The following DCC variants were observed in gnomAD, a reference collection of about 807,000 sequenced individuals.
DCC encodes the protein DCC netrin 1 receptor.
Under a neutral mutation model 172.5 loss-of-function variants are expected in DCC, and 58 were observed. The ratio of observed to expected loss-of-function variants is 0.34; its 90% CI spans 0.27 to 0.42. DCC has a LOEUF of 0.42. Among genes scored for constraint, DCC ranks in the 10% least tolerant of loss-of-function variants. DCC has a pLI of 1.00. For synonymous variants in DCC, 709 were observed against 644.5 expected (o/e 1.10, Z -1.52); for missense variants, 1,740 against 1,791.0 (o/e 0.97, Z 0.51).
intron 12 of DCC, among the ~76,000 whole-genome samples, chr18:53,283,972 G>A (rs2056904891): frequency 6.6e-6 from 1 of 152,084 alleles, no homozygotes; most frequent in Admixed American, 6.6e-5. Context: ...AAGTACATAG[G>A]CTATGAATAC....
chr18:52,803,969 G>C (rs895547226), intron 2 of DCC, among the ~76,000 whole-genome samples: 2 of 152,244 alleles, frequency 1.3e-5, no homozygotes, highest in African/African-American at 4.8e-5. Flanking sequence ...GCCAGTCCTT[G>C]GGCACCAGCA....
At chr18:52,922,121 A>G (rs1196468925) in intron 3 of DCC, among the ~76,000 whole-genome samples, 1 of 152,186 alleles carries the variant, frequency 6.6e-6, no homozygotes, top group South Asian at 2.1e-4. Context: ...ACATTTTTCT[A>G]CAGTATTGAT....
chr18:52,587,109 A>G (rs1004646096), intron 1 of DCC, among the ~76,000 whole-genome samples: 1 of 152,204 alleles, frequency 6.6e-6, no homozygotes, highest in African/African-American at 2.4e-5. Context: ...TGCCCTTTCC[A>G]TGATGAAAGA....
intron 5 of DCC, among the ~76,000 whole-genome samples, chr18:53,001,144 T>G (rs1205478079): frequency 6.6e-6 from 1 of 152,096 alleles, no homozygotes; most frequent in East Asian, 1.9e-4. Context: ...TACCACTGAT[T>G]CAGACTTGAC....
chr18:52,821,573 A>G (rs1211610598), intron 2 of DCC, among the ~76,000 whole-genome samples: 1 of 152,178 alleles, frequency 6.6e-6, no homozygotes, highest in Admixed American at 6.5e-5. Context: ...GCTTTTCTCT[A>G]ATCCCTCCAT....
chr18:52,980,600 TAAAA>T (rs1260900854), intron 5 of DCC, among the ~76,000 whole-genome samples: 1 of 151,954 alleles, frequency 6.6e-6, no homozygotes, highest in Non-Finnish European at 1.5e-5. Context: ...ATAATTCTAA[TAAAA>T]TAATGCAATT....
chr18:52,429,866 A>G (rs879871511), intron 1 of DCC, among the ~76,000 whole-genome samples: 12 of 152,152 alleles, frequency 7.9e-5, no homozygotes, highest in Non-Finnish European at 1.5e-4. Flanking sequence ...GGAAAAGCAG[A>G]TTTTGCTCTA....
At chr18:53,471,171 T>TTTGTTTGTGGTACATAGTAGGTATATA (rs1466627284) in intron 25 of DCC, among the ~76,000 whole-genome samples, 1 of 152,172 alleles carries the variant, frequency 6.6e-6, no homozygotes, top group Non-Finnish European at 1.5e-5. Flanking sequence ...TATTCGTATT[T>TTTGTTTGTGGTACATAGTAGGTATATA]TTTGTGGGTA....
intron 7 of DCC, among the ~76,000 whole-genome samples, chr18:53,103,181 C>A (rs1205137984): frequency 6.6e-6 from 1 of 151,946 alleles, no homozygotes; most frequent in African/African-American, 2.4e-5. Context: ...AATCATAGAA[C>A]CTGACATAAT....
chr18:53,129,359 C>G (rs960064030), intron 7 of DCC, among the ~76,000 whole-genome samples: 1 of 152,062 alleles, frequency 6.6e-6, no homozygotes, highest in Admixed American at 6.6e-5. Context: ...GCACACATCT[C>G]AAGTGTTGAG....
chr18:52,685,518 C>T (rs1456651068), intron 1 of DCC, among the ~76,000 whole-genome samples: 1 of 152,046 alleles, frequency 6.6e-6, no homozygotes, highest in African/African-American at 2.4e-5. Context: ...GGTGGTACCT[C>T]ATGGAATGAG....
intron 2 of DCC, among the ~76,000 whole-genome samples, chr18:52,778,893 A>G (rs955856559): frequency 2.6e-5 from 4 of 152,156 alleles, no homozygotes; most frequent in Admixed American, 1.3e-4. Context: ...TCAATATCCA[A>G]TTGTGCCCTG....
chr18:53,062,415 C>CCAAAATTCA (rs772179541), intron 5 of DCC, among the ~76,000 whole-genome samples: 49 of 152,046 alleles, frequency 3.2e-4, no homozygotes, highest in Non-Finnish European at 6.2e-4. Flanking sequence ...AAATACCTAT[C>CCAAAATTCA]CATTTTCTAT....
intron 2 of DCC, among the ~76,000 whole-genome samples, chr18:52,767,764 A>G (rs1006739526): frequency 7.2e-5 from 11 of 152,200 alleles, no homozygotes; most frequent in Non-Finnish European, 1.3e-4. Flanking sequence ...TTTTCTAGGA[A>G]ATATTTTAAT....
intron 1 of DCC, among the ~76,000 whole-genome samples, chr18:52,724,814 C>CA: frequency 6.6e-6 from 1 of 152,266 alleles, no homozygotes; most frequent in Middle Eastern, 3.4e-3. Context: ...AAACCTGGCT[C>CA]CATCTGACCC....
chr18:52,508,947 G>A (rs1391461016), intron 1 of DCC, among the ~76,000 whole-genome samples: 2 of 152,208 alleles, frequency 1.3e-5, no homozygotes, highest in East Asian at 3.8e-4. Context: ...ACGTGTGCCT[G>A]AAATGCGACT....
chr18:52,905,909 A>G (rs1455351966), intron 2 of DCC, 135 bp from the exon 3 acceptor site: 3 of 724,846 alleles, frequency 4.1e-6, no homozygotes, highest in South Asian at 3.1e-5. Flanking sequence ...AAGTGTGAAG[A>G]GCAAATGAGA....
chr18:53,250,518 G>T (rs1161524265), intron 12 of DCC, among the ~76,000 whole-genome samples: 2 of 151,694 alleles, frequency 1.3e-5, no homozygotes, highest in East Asian at 2.0e-4. Context: ...TCTGGTGTCT[G>T]CCCAGCTCCC....
chr18:53,098,059 C>A (rs1380886920), intron 7 of DCC, among the ~76,000 whole-genome samples: 1 of 152,122 alleles, frequency 6.6e-6, no homozygotes, highest in Non-Finnish European at 1.5e-5. Flanking sequence ...TGCCCCTGTT[C>A]TCTGACTTCC....
Sources: allele counts gnomAD v4.1 joint callset (sites outside exome capture counted in the v4.1 genomes callset), GRCh38; gene constraint gnomAD v4.1.1; transcripts MANE v1.5; gene names NCBI Gene and HGNC (gene_info 2026-07-23, HGNC 2026-07-21).